The following SLC29A3 variants were observed in gnomAD, a reference collection of about 807,000 sequenced individuals.
SLC29A3 encodes solute carrier family 29 member 3.
Under a neutral mutation model 25.4 loss-of-function variants are expected in SLC29A3, and 18 were observed. The observed-to-expected ratio is 0.71, with a 90% confidence interval of 0.49 to 1.05. The LOEUF is 1.05. SLC29A3 is among the 50% of genes least tolerant of loss of function. SLC29A3 has a pLI of 0.00. For missense variants in SLC29A3, 586 were observed against 609.0 expected, an observed-to-expected ratio of 0.96 and a Z score of 0.40; for synonymous variants, 258 against 267.1, an observed-to-expected ratio of 0.97 and a Z score of 0.33.
At chr10:71,370,651 C>T (rs1258223239) in intron 3 of SLC29A3, among the ~76,000 whole-genome samples, 1 of 152,182 alleles carries the variant, frequency 6.6e-6, no homozygotes, top group East Asian at 1.9e-4. Context: ...CCTCCCACCT[C>T]AGCCTCCCAA....
intron 2 of SLC29A3, among the ~76,000 whole-genome samples, chr10:71,337,077 C>T (rs1846272115): frequency 6.6e-6 from 1 of 152,200 alleles, no homozygotes; most frequent in Non-Finnish European, 1.5e-5. Flanking sequence ...TTGTCCTTCC[C>T]TTGGGCCTCT....
At position 71,363,300 on chromosome 10, in the gene SLC29A3, G is replaced by T. The variant is rs1281017938; in HGVS notation, c.*692G>T. The T allele has an allele frequency of 6.6e-6, 3 of 454,044 alleles. No homozygotes were observed. The East Asian group carries it at 2.1e-4, about 32-fold the overall frequency. The allele number at this position is 454,044 out of a possible 1,614,324, so 28.1% of individuals were successfully genotyped here. ...TCATGACCTGGTGGTCTATGGCCTG[G>T]GTCAAGATGAGGGTCTTTCAGTGTT... On this transcript the variant is annotated 3_prime_UTR_variant, in exon 6 of 6. Transcript: ENST00000373189.
intron 2 of SLC29A3, among the ~76,000 whole-genome samples, chr10:71,338,389 C>T (rs752709657): frequency 5.3e-5 from 8 of 152,168 alleles, no homozygotes; most frequent in South Asian, 2.1e-4. Flanking sequence ...GGGGAATGGG[C>T]GGTGGGATTT....
At chr10:71,344,899 G>T (rs1238963364) in intron 3 of SLC29A3, among the ~76,000 whole-genome samples, 4 of 152,204 alleles carry the variant, frequency 2.6e-5, no homozygotes, top group African/African-American at 9.7e-5. Flanking sequence ...GCCACTAAAT[G>T]ATATCAATGG....
chr10:71,378,362 C>A (rs1173437903), intron 4 of SLC29A3, among the ~76,000 whole-genome samples: 1 of 152,138 alleles, frequency 6.6e-6, no homozygotes, highest in East Asian at 1.9e-4. Flanking sequence ...AGCCAAAGGA[C>A]CTGAGACCCT....
At chr10:71,366,227 A>G (rs1295097598), downstream of SLC29A3, 1 of 152,176 alleles carries the variant, frequency 6.6e-6, no homozygotes, top group Non-Finnish European at 1.5e-5. Context: ...ACTCAAGCAA[A>G]CACCGTGTTT....
chr10:71,324,661 G>C (rs1163416929), intron 2 of SLC29A3, among the ~76,000 whole-genome samples: 1 of 152,218 alleles, frequency 6.6e-6, no homozygotes, highest in African/African-American at 2.4e-5. Context: ...ATTACAGGGA[G>C]AGCTGGGTTC....
At chr10:71,334,708 G>T (rs1217505009) in intron 2 of SLC29A3, among the ~76,000 whole-genome samples, 1 of 152,128 alleles carries the variant, frequency 6.6e-6, no homozygotes, top group African/African-American at 2.4e-5. Context: ...TGATCCCGCA[G>T]TGCACCTCCA....
In SLC29A3 at chr10:71,363,147, C is replaced by T; in HGVS notation, c.*539C>T. Reference sequence around the variant, plus strand: ...TGTGTTCTGTGGGTGAACAACTGCCCACTAACCAGACTGGAAAACCCAGAA... The same window carrying T: ...TGTGTTCTGTGGGTGAACAACTGCCTACTAACCAGACTGGAAAACCCAGAA... On this transcript the variant is annotated 3_prime_UTR_variant, in exon 6 of 6. Transcript: ENST00000373189. The T allele has an allele frequency of 2.3e-6, 1 of 440,482 alleles. No individual in the cohort carries two copies. Among genetic ancestry groups the T allele is most frequent in the South Asian group, 1.6e-5 (1 of 62,282 alleles). The allele number at this position is 440,482 out of a possible 1,614,324, so 27.3% of individuals were successfully genotyped here.
intron 2 of SLC29A3, among the ~76,000 whole-genome samples, chr10:71,336,471 G>C (rs1374591370): frequency 3.3e-5 from 5 of 152,022 alleles, no homozygotes; most frequent in Admixed American, 3.3e-4. Flanking sequence ...GGGCAGCCGG[G>C]AGGGACACGG....
At chr10:71,357,246 T>C (rs1181682291) in intron 5 of SLC29A3, among the ~76,000 whole-genome samples, 1 of 152,032 alleles carries the variant, frequency 6.6e-6, no homozygotes, top group African/African-American at 2.4e-5. Context: ...AAACCCCATC[T>C]CTACTAAAAA....
chr10:71,378,344 T>A (rs1847277389), intron 4 of SLC29A3, among the ~76,000 whole-genome samples: 1 of 152,162 alleles, frequency 6.6e-6, no homozygotes, highest in Non-Finnish European at 1.5e-5. Flanking sequence ...CCTCCCACCC[T>A]GTCTCCCAGC....
At chr10:71,320,390 G>A (rs1250478044) in intron 1 of SLC29A3, among the ~76,000 whole-genome samples, 2 of 152,168 alleles carry the variant, frequency 1.3e-5, no homozygotes. Flanking sequence ...GCATAGACTG[G>A]GTGGCTTAAA....
intron 2 of SLC29A3, among the ~76,000 whole-genome samples, chr10:71,329,617 G>A (rs1589223793): frequency 6.6e-6 from 1 of 152,152 alleles, no homozygotes; most frequent in Admixed American, 6.5e-5. Context: ...AGGTGTGGTC[G>A]CGTGTGCCTG....
intron 2 of SLC29A3, among the ~76,000 whole-genome samples, chr10:71,324,963 G>A (rs560983461): frequency 3.9e-5 from 6 of 152,334 alleles, no homozygotes; most frequent in Non-Finnish European, 5.9e-5. Context: ...AGGAGCCTCC[G>A]TTTCCACGGC....
intron 3 of SLC29A3, among the ~76,000 whole-genome samples, chr10:71,345,303 C>G (rs1488029719): frequency 1.3e-5 from 2 of 152,226 alleles, no homozygotes; most frequent in Non-Finnish European, 2.9e-5. Context: ...CTGTCATACT[C>G]TCTCCTGCAG....
chr10:71,374,291 A>G (rs778726506), intron 3 of SLC29A3, among the ~76,000 whole-genome samples: 3 of 152,150 alleles, frequency 2.0e-5, no homozygotes, highest in Non-Finnish European at 4.4e-5. Context: ...GTAGAGATTT[A>G]GGGGGCTCCC....
intron 2 of SLC29A3, among the ~76,000 whole-genome samples, chr10:71,338,688 C>T (rs1043246793): frequency 6.6e-5 from 10 of 152,046 alleles, no homozygotes; most frequent in East Asian, 1.9e-4. Flanking sequence ...ACCCAGGAGG[C>T]GGAGGTTGCA....
At chr10:71,377,987 G>C (rs1234338205) in intron 4 of SLC29A3, among the ~76,000 whole-genome samples, 6 of 150,882 alleles carry the variant, frequency 4.0e-5, no homozygotes, top group Admixed American at 3.3e-4. Context: ...AGTTCTTAAT[G>C]AGTCAAACCG....
Sources: gnomAD v4.1 joint callset for allele counts (sites outside exome capture counted in the v4.1 genomes callset) on GRCh38, gnomAD v4.1.1 for gene constraint, MANE v1.5 for transcripts, NCBI Gene and HGNC (gene_info 2026-07-23, HGNC 2026-07-21) for gene names.